Variants in DAB1 observed in about 807,000 individuals in gnomAD.
DAB1 encodes the protein DAB adaptor protein 1, also known as disabled homolog 1.
In DAB1, 15 loss-of-function variants were observed where a neutral mutation model predicts 64.6. The ratio of observed to expected loss-of-function variants is 0.23; its 90% CI spans 0.16 to 0.36. The LOEUF is 0.36. DAB1 is among the 10% of genes least tolerant of loss of function. The probability of loss-of-function intolerance (pLI) is 1.00; values close to 1 mark genes in which losing one functional copy is unlikely to be tolerated. For missense variants in DAB1, 596 were observed against 706.7 expected (o/e 0.84, Z 1.78); for synonymous variants, 235 against 251.9 (o/e 0.93, Z 0.64).
chr1:58,430,369 T>G (rs1644859057), intron 3 of DAB1, among the ~76,000 whole-genome samples: 1 of 152,142 alleles, frequency 6.6e-6, no homozygotes. Flanking sequence ...GGCATTTGAT[T>G]GGGTCTGGAG....
chr1:57,502,773 C>A (rs1359887736), intron 7 of DAB1, among the ~76,000 whole-genome samples: 1 of 152,144 alleles, frequency 6.6e-6, no homozygotes, highest in South Asian at 2.1e-4. Context: ...TAATTTGGAG[C>A]AAATTCTTTC....
intron 5 of DAB1, among the ~76,000 whole-genome samples, chr1:57,949,163 TG>T (rs905144840): frequency 6.7e-4 from 97 of 145,850 alleles, no homozygotes; most frequent in African/African-American, 1.5e-3. Context: ...AATATTTCCA[TG>T]GGGGGGGCTG....
At chr1:57,565,846 T>C (rs1645113661) in intron 7 of DAB1, among the ~76,000 whole-genome samples, 3 of 152,168 alleles carry the variant, frequency 2.0e-5, no homozygotes, top group Non-Finnish European at 4.4e-5. Context: ...AACACCCCAC[T>C]GTCAACATTA....
rs115807807 is a variant in DAB1, at chr1:57,997,213, T to C, written n.388-113051A>G. Among the ~76,000 whole-genome samples the C allele has an allele frequency of 4.3e-3, 659 of 152,262 alleles. 5 individuals are homozygous for C. The highest frequency in any genetic ancestry group is 0.015 in the African/African-American group (620 of 41,546). ...GTTTAACTAGTATATGATCTTTCTC[T>C]ATGAACACTCGACTGGTAAGGGAAG... On this transcript the variant is annotated intron_variant and non_coding_transcript_variant, in intron 5 of 20. Transcript: ENST00000485760.
At chr1:57,722,369 AC>A (rs1245745194) in intron 6 of DAB1, among the ~76,000 whole-genome samples, 1 of 152,170 alleles carries the variant, frequency 6.6e-6, no homozygotes, top group East Asian at 1.9e-4. Flanking sequence ...CAGAAGACAT[AC>A]CTGGGTTATT....
intron 5 of DAB1, among the ~76,000 whole-genome samples, chr1:57,925,121 A>T (rs913072095): frequency 6.6e-6 from 1 of 152,152 alleles, no homozygotes; most frequent in African/African-American, 2.4e-5. Flanking sequence ...CTTTTCTTCT[A>T]ATAACTAGCA....
chr1:58,384,677 G>A (rs1049942287), intron 3 of DAB1, among the ~76,000 whole-genome samples: 3 of 152,202 alleles, frequency 2.0e-5, no homozygotes, highest in African/African-American at 7.2e-5. Context: ...AACCTCAAAA[G>A]TAGGGAAGCC....
intron 5 of DAB1, among the ~76,000 whole-genome samples, chr1:58,099,975 A>C (rs954236227): frequency 2.0e-5 from 3 of 152,182 alleles, no homozygotes; most frequent in Non-Finnish European, 4.4e-5. Flanking sequence ...CTCAAGTGTC[A>C]TCTGCTCAGC....
At chr1:57,799,104 G>A (rs898944902) in intron 6 of DAB1, among the ~76,000 whole-genome samples, 1 of 152,190 alleles carries the variant, frequency 6.6e-6, no homozygotes, top group African/African-American at 2.4e-5. Flanking sequence ...TAACCTCTCT[G>A]TGAATGCGTT....
chr1:57,535,993 G>T (rs974671111), intron 7 of DAB1, among the ~76,000 whole-genome samples: 20 of 152,256 alleles, frequency 1.3e-4, no homozygotes, highest in Middle Eastern at 3.4e-3. Context: ...TGAAGTCCTG[G>T]AGGCATGGCT....
chr1:57,389,363 T>G (rs980320699), intron 1 of DAB1, among the ~76,000 whole-genome samples: 2 of 152,198 alleles, frequency 1.3e-5, no homozygotes, highest in African/African-American at 4.8e-5. Context: ...CATGTAAGGT[T>G]CTGCATGCCG....
chr1:58,393,483 G>A (rs1333972796), intron 3 of DAB1, among the ~76,000 whole-genome samples: 12 of 152,020 alleles, frequency 7.9e-5, no homozygotes, highest in East Asian at 1.9e-4. Flanking sequence ...TTATAACACC[G>A]TTTTACATAT....
chr1:57,482,090 A>T (rs918763570), intron 7 of DAB1, among the ~76,000 whole-genome samples: 4 of 152,276 alleles, frequency 2.6e-5, no homozygotes, highest in Non-Finnish European at 5.9e-5. Context: ...GGGGGAAATA[A>T]TTGGGAAATT....
intron 1 of DAB1, among the ~76,000 whole-genome samples, chr1:57,868,500 G>A (rs1338512117): frequency 6.6e-6 from 1 of 152,126 alleles, no homozygotes; most frequent in Admixed American, 6.5e-5. Flanking sequence ...TTGTCATTAC[G>A]TTGGAGTTAC....
At chr1:58,293,407 C>A (rs1661892535) in intron 4 of DAB1, among the ~76,000 whole-genome samples, 1 of 151,936 alleles carries the variant, frequency 6.6e-6, no homozygotes, top group East Asian at 1.9e-4. Flanking sequence ...TCAGCAGAGC[C>A]AAAAAATATC....
intron 7 of DAB1, among the ~76,000 whole-genome samples, chr1:57,467,786 GAGA>G (rs796140991): frequency 2.0e-4 from 31 of 152,302 alleles, no homozygotes; most frequent in African/African-American, 7.5e-4. Flanking sequence ...GCATGTTTGA[GAGA>G]AGACTTGAAG....
In DAB1 at chr1:57,791,041, G is replaced by T. The variant is rs530566599; in HGVS notation, n.551+92958C>A. 7.8e-4 allele frequency among the ~76,000 whole-genome samples: 119 copies of T among 152,260 alleles called. 1 individual carries two copies. The highest frequency in any genetic ancestry group is 1.1e-3 in the Non-Finnish European group (72 of 68,014). On this transcript the variant is annotated intron_variant and non_coding_transcript_variant, in intron 6 of 20. Transcript: ENST00000485760. ...TCCTAATCTGCATTCATTTGCACTTGCCCACATTCAATAAATCCACATTGG... is the reference window on the plus strand; with the variant it reads ...TCCTAATCTGCATTCATTTGCACTTTCCCACATTCAATAAATCCACATTGG...
At chr1:57,129,383 A>G (rs1247651173) in intron 4 of DAB1, among the ~76,000 whole-genome samples, 1 of 152,138 alleles carries the variant, frequency 6.6e-6, no homozygotes, top group Admixed American at 6.6e-5. Context: ...CTAACCACAC[A>G]GAGACCCAAT....
chr1:58,381,770 A>G (rs192663793), intron 3 of DAB1, among the ~76,000 whole-genome samples: 1 of 152,342 alleles, frequency 6.6e-6, no homozygotes, highest in African/African-American at 2.4e-5. Flanking sequence ...CCATTAGACT[A>G]TGAATGGAGA....
Sources: allele counts gnomAD v4.1 joint callset (sites outside exome capture counted in the v4.1 genomes callset), GRCh38; gene constraint gnomAD v4.1.1; transcripts MANE v1.5; gene names NCBI Gene and HGNC (gene_info 2026-07-23, HGNC 2026-07-21).